CC2D2A: variants seen among roughly 807,000 people sequenced by gnomAD.
The protein encoded by CC2D2A is coiled-coil and C2 domain-containing protein 2A.
In CC2D2A, 155 loss-of-function variants were observed where a neutral mutation model predicts 212.9. The ratio of observed to expected loss-of-function variants is 0.73; its 90% CI spans 0.64 to 0.83. The LOEUF (loss-of-function observed/expected upper bound fraction) is 0.83. CC2D2A is among the 40% of genes least tolerant of loss of function. The pLI is 0.00. For synonymous variants in CC2D2A, 667 were observed against 686.5 expected (o/e 0.97, Z 0.44); for missense variants, 1,856 against 1,956.2 (o/e 0.95, Z 0.97).
Position 15,567,719 on chromosome 4 carries a change from G to A in CC2D2A, c.3331G>A (p.Val1111Ile), listed in dbSNP as rs2109070637. 6.2e-7 allele frequency: 1 copy of A among 1,605,552 alleles called. No homozygotes were observed. Among genetic ancestry groups the A allele is most frequent in the East Asian group, 2.2e-5 (1 of 44,730 alleles). The stretch of plus-strand genomic sequence containing the variant: ...TGTAGAAGTCTCTTTTCAACGAACA[G>A]TTTGCCATACGACTACGGCTGAAGG... ...PFVEVSFQRT[V>I]CHTTTAEGPN... The change falls in exon 26 of 37, where the codon GTT becomes ATT. Residue 1111 changes from valine to isoleucine, a missense_variant. Transcript: ENST00000424120.
Position 15,515,856 on chromosome 4 carries a change from T to C in CC2D2A, c.881-12T>C, listed in dbSNP as rs1716837500. On this transcript the variant is annotated splice_polypyrimidine_tract_variant and intron_variant, in intron 9 of 36. Transcript: ENST00000424120. Reference sequence around the variant, plus strand: ...CCCTAATGTTTATTTTATTTATTTATAAACGATCTAGTCCCTACATATAAA... The same window carrying C: ...CCCTAATGTTTATTTTATTTATTTACAAACGATCTAGTCCCTACATATAAA... The C allele has an allele frequency of 7.1e-6, 11 of 1,548,526 alleles. No individual in the cohort carries two copies. Among genetic ancestry groups the C allele is most frequent in the South Asian group, 1.2e-5 (1 of 83,278 alleles).
In CC2D2A at chr4:15,528,701, A is replaced by G. The variant is rs771368085; in HGVS notation, c.1441A>G (p.Ile481Val). The part of the protein sequence containing the change: ...HQSLDTIQKT[I>V]NEYKSEIRQT... ...GTCTCTCGATACCATCCAAAAAACC[A>G]TCAATGAGTATAAATCTGAAATTCG... Residue 481 changes from isoleucine (I) to valine (V), a missense_variant, in exon 13 of 37, where the codon ATC (isoleucine) becomes GTC (valine). Physicochemically the swap from Ile to Val is conservative, Grantham distance 29 (BLOSUM62 3). Coordinates refer to ENST00000424120, the MANE Select transcript of CC2D2A (RefSeq NM_001378615.1). 5.0e-6 allele frequency: 8 copies of G among 1,612,314 alleles called. No individual in the cohort carries two copies. In the Admixed American group the frequency reaches 1.3e-4, roughly 27 times the overall value.
At position 15,497,770 on chromosome 4, in the gene CC2D2A, TC is replaced by T. The variant is rs571310715; in HGVS notation, c.248-4658del. 4.9e-3 allele frequency among the ~76,000 whole-genome samples: 750 copies of T among 152,338 alleles called. 2 individuals are homozygous for T. Among genetic ancestry groups the T allele is most frequent in the Middle Eastern group, 0.01 (3 of 294 alleles). Reference sequence around the variant, plus strand: ...ATGACTAATGATGTTAAACATCTTTTCATGTGCTAGTTAGCCAATTGTACTT... The same window carrying T: ...ATGACTAATGATGTTAAACATCTTTTATGTGCTAGTTAGCCAATTGTACTT... On this transcript the variant is annotated intron_variant, in intron 4 of 36. Coordinates refer to ENST00000424120, the MANE Select transcript of CC2D2A (RefSeq NM_001378615.1).
Position 15,571,416 on chromosome 4 carries a change from A to G in CC2D2A, c.3594+920A>G, listed in dbSNP as rs556747765. Among the ~76,000 whole-genome samples the G allele has an allele frequency of 1.3e-3, 195 of 152,318 alleles. 1 individual carries two copies. Among genetic ancestry groups the G allele is most frequent in the Non-Finnish European group, 2.3e-3 (157 of 68,020 alleles). On this transcript the variant is annotated intron_variant, in intron 28 of 36. Transcript: ENST00000424120. ...GGTTCTGAAATCGCTTTGAAGTCCC[A>G]GTATTAAGTCTATGGCAACAGGAGG...
rs762298895 is a variant in CC2D2A at position 15,538,086 on chromosome 4, T to C, written c.1952T>C (p.Val651Ala). The change falls in exon 16 of 37, where the codon GTC becomes GCC. Residue 651 changes from valine to alanine, a missense_variant. By Grantham distance (64) the Val-to-Ala change is moderately conservative. Coordinates refer to ENST00000424120, the MANE Select transcript of CC2D2A (RefSeq NM_001378615.1). ...SRRRPWEPTL[V>A]PELSLAGSVT... ...AGGAGGCCTTGGGAGCCCACGCTGG[T>C]CCCGGAGCTAAGCCTGGCAGGAAGC... The C allele has an allele frequency of 6.2e-7, 1 of 1,605,024 alleles. No homozygotes were observed. Among genetic ancestry groups the C allele is most frequent in the Non-Finnish European group, 8.5e-7 (1 of 1,175,790 alleles).
chr4:15,514,932 T>C (rs899572476), intron 9 of CC2D2A, 63 bp downstream of exon 9: 21 of 1,486,590 alleles, frequency 1.4e-5, no homozygotes, highest in Admixed American at 5.1e-5. Context: ...TCATGAAATA[T>C]GGCTAGTGTA....
In CC2D2A at chr4:15,511,369, G is replaced by A; in HGVS notation, c.663G>A (p.Glu221=). The change falls in exon 8 of 37, where the codon GAG becomes GAA. Residue 221 remains glutamate, a synonymous_variant. Coordinates refer to ENST00000424120, the MANE Select transcript of CC2D2A (RefSeq NM_001378615.1). ...GACATAGAGCGGGAACTAATCAAGA[G>A]GAGGAGGAAGGGGAAGAAGAAGAAC... ...KARHRAGTNQ[E]EEEGEEEEPP... The A allele has an allele frequency of 1.3e-6, 2 of 1,561,240 alleles. No homozygotes were observed. The highest frequency in any genetic ancestry group is 1.2e-5 in the South Asian group (1 of 80,806).
chr4:15,517,525 A>G (rs189424781), intron 11 of CC2D2A, among the ~76,000 whole-genome samples: 7 of 152,248 alleles, frequency 4.6e-5, no homozygotes, highest in Non-Finnish European at 1.0e-4. Flanking sequence ...CACTGGGTGA[A>G]CTTGGCCATT....
intron 33 of CC2D2A, 56 bp from the exon 34 acceptor site, chr4:15,596,029 T>TA: frequency 7.3e-7 from 1 of 1,364,234 alleles, no homozygotes; most frequent in Non-Finnish European, 9.9e-7. Flanking sequence ...CATGCACACA[T>TA]ACATGTGCAT....
At position 15,502,895 on chromosome 4, in the gene CC2D2A, A is replaced by G; in HGVS notation, c.410A>G (p.Lys137Arg). Reference sequence around the variant, plus strand: ...AGACGCTTACGAAGTCCCAGTAAGAAAGAATTGGAGACTGAATTTGGCACA... The same window carrying G: ...AGACGCTTACGAAGTCCCAGTAAGAGAGAATTGGAGACTGAATTTGGCACA... The part of the protein sequence containing the change: ...RPRRLRSPSK[K>R]ELETEFGTEP... The change falls in exon 6 of 37, where the codon AAA becomes AGA. Residue 137 changes from lysine to arginine, a missense_variant. Physicochemically the swap from Lys to Arg is conservative, Grantham distance 26 (BLOSUM62 2). Around this residue, in one of 5 missense-constraint regions of CC2D2A, gnomAD observed 1,512 missense variants for 1,579.3 expected, o/e 0.96. Coordinates refer to ENST00000424120, the MANE Select transcript of CC2D2A (RefSeq NM_001378615.1). 2 of 1,610,978 alleles carry G rather than the reference A, an allele frequency of 1.2e-6. No individual in the cohort carries two copies. Among genetic ancestry groups the G allele is most frequent in the Non-Finnish European group, 1.7e-6 (2 of 1,178,844 alleles).
At chr4:15,547,709 T>G (rs1718782659) in intron 17 of CC2D2A, among the ~76,000 whole-genome samples, 1 of 152,204 alleles carries the variant, frequency 6.6e-6, no homozygotes, top group African/African-American at 2.4e-5. Context: ...AGTACCCATT[T>G]CCTAATTTTT....
At chr4:15,470,526 A>C (rs1417281462) in intron 1 of CC2D2A, among the ~76,000 whole-genome samples, 2 of 152,080 alleles carry the variant, frequency 1.3e-5, no homozygotes, top group Non-Finnish European at 2.9e-5. Context: ...ACTTAAGCTG[A>C]TTGTTTGTTT....
At chr4:15,544,307 C>T (rs1358678889) in intron 17 of CC2D2A, among the ~76,000 whole-genome samples, 1 of 152,168 alleles carries the variant, frequency 6.6e-6, no homozygotes, top group Non-Finnish European at 1.5e-5. Flanking sequence ...TCCCTTTCTG[C>T]AGGCATCAAT....
At chr4:15,582,622 T>C (rs192468017) in intron 30 of CC2D2A, among the ~76,000 whole-genome samples, 1 of 152,232 alleles carries the variant, frequency 6.6e-6, no homozygotes, top group East Asian at 1.9e-4. Flanking sequence ...CATGAACATA[T>C]ACAACTTACC....
At chr4:15,481,278 G>A in intron 4 of CC2D2A, 1 of 452,898 alleles carries the variant, frequency 2.2e-6, no homozygotes, top group Non-Finnish European at 4.4e-6. Context: ...GAAGGCCGAG[G>A]CGGGTAAATC....
Position 15,553,157 on chromosome 4 carries a change from G to A in CC2D2A, c.2339-1G>A. ...TCCTGTTTAATCTGGTGTTTCCCCAGGAGTGCCCTTCTCATTTGAAGCTGA... is the reference window on the plus strand; with the variant it reads ...TCCTGTTTAATCTGGTGTTTCCCCAAGAGTGCCCTTCTCATTTGAAGCTGA... On this transcript the variant is annotated splice_acceptor_variant, in intron 18 of 36. Transcript: ENST00000424120. LOFTEE classifies it high-confidence loss of function. The A allele has an allele frequency of 1.9e-6, 3 of 1,598,274 alleles. No individual in the cohort carries two copies. Among genetic ancestry groups the A allele is most frequent in the Non-Finnish European group, 2.6e-6 (3 of 1,174,168 alleles).
chr4:15,530,045 C>G (rs1257763733), intron 13 of CC2D2A, among the ~76,000 whole-genome samples: 1 of 151,818 alleles, frequency 6.6e-6, no homozygotes, highest in Non-Finnish European at 1.5e-5. Context: ...GATTTCGGCT[C>G]ACTGCAAGCT....
intron 17 of CC2D2A, among the ~76,000 whole-genome samples, chr4:15,543,237 T>C (rs911178956): frequency 3.9e-5 from 6 of 152,222 alleles, no homozygotes; most frequent in African/African-American, 1.4e-4. Flanking sequence ...TTCTTGAAAT[T>C]TTAGAACTTT....
chr4:15,531,678 T>C (rs762150147), intron 13 of CC2D2A, among the ~76,000 whole-genome samples: 19 of 152,184 alleles, frequency 1.2e-4, no homozygotes, highest in Non-Finnish European at 2.6e-4. Flanking sequence ...AAATTTTAAT[T>C]AAATATTATT....
Sources: allele counts gnomAD v4.1 joint callset (sites outside exome capture counted in the v4.1 genomes callset), GRCh38; gene constraint gnomAD v4.1.1; regional missense constraint gnomAD v4.1.1; transcripts MANE v1.5; gene names NCBI Gene and HGNC (gene_info 2026-07-23, HGNC 2026-07-21).